Variants in ANKRD17 observed in about 807,000 individuals in gnomAD.
The protein encoded by ANKRD17 is ankyrin repeat domain 17.
A neutral mutation model predicts 229.7 loss-of-function variants in ANKRD17; 19 were observed. The observed-to-expected ratio is 0.08, with a 90% CI of 0.06 to 0.12. The LOEUF is 0.12. ANKRD17 is among the 10% of genes least tolerant of loss of function. The probability of loss-of-function intolerance (pLI) is 1.00; values close to 1 mark genes in which losing one functional copy is unlikely to be tolerated. For synonymous variants in ANKRD17, 1,112 were observed against 1,146.1 expected, an observed-to-expected ratio of 0.97 and a Z score of 0.60; for missense variants, 2,176 against 3,176.8, an observed-to-expected ratio of 0.68 and a Z score of 7.57.
At position 73,091,461 on chromosome 4, in the gene ANKRD17, G is replaced by C; in HGVS notation, c.6167C>G (p.Ser2056Cys). Residue 2056 changes from serine (S) to cysteine (C), a missense_variant, in exon 29 of 34, where the codon TCT becomes TGT. Ser to Cys is a moderately radical substitution (Grantham distance 112). Around this residue, in one of 18 missense-constraint regions of ANKRD17, gnomAD observed 424 missense variants for 454.0 expected, o/e 0.93. Coordinates refer to ENST00000358602, the MANE Select transcript of ANKRD17 (RefSeq NM_032217.5). ...PSPPAQPGGVSRNSPLDCGSA... is the reference protein window; with the variant it reads ...PSPPAQPGGVCRNSPLDCGSA... ...TCCACAATCCAAAGGGCTGTTTCTAGAAACCCCTCCTGGCTGGGCTGGTGG... is the reference window on the plus strand; with the variant it reads ...TCCACAATCCAAAGGGCTGTTTCTACAAACCCCTCCTGGCTGGGCTGGTGG... 2 of 1,614,178 alleles carry C rather than the reference G, an allele frequency of 1.2e-6. No individual in the cohort carries two copies. The highest frequency in any genetic ancestry group is 1.7e-6 in the Non-Finnish European group (2 of 1,180,022).
chr4:73,226,045 G>A (rs1287560955), intron 1 of ANKRD17, among the ~76,000 whole-genome samples: 1 of 128,418 alleles, frequency 7.8e-6, no homozygotes, highest in Non-Finnish European at 1.6e-5. Flanking sequence ...GCACAATCTC[G>A]GCTCACAGCA....
At position 73,091,281 on chromosome 4, in the gene ANKRD17, G is replaced by A; in HGVS notation, c.6347C>T (p.Ser2116Phe). 1 of 1,614,180 alleles carries A rather than the reference G, an allele frequency of 6.2e-7. No individual in the cohort carries two copies. The highest frequency in any genetic ancestry group is 8.5e-7 in the Non-Finnish European group (1 of 1,180,026). Residue 2116 changes from serine to phenylalanine, a missense_variant, in exon 29 of 34, where the codon TCT becomes TTT. By Grantham distance (155) the Ser-to-Phe change is radical (BLOSUM62 -2). Transcript: ENST00000358602. ...CTGAAGAGGTGGTCTTGGTTCCTGAGAAACAGATCCCGGAGGTTGTTGCTG... is the reference window on the plus strand; with the variant it reads ...CTGAAGAGGTGGTCTTGGTTCCTGAAAAACAGATCCCGGAGGTTGTTGCTG... ...SNQQQPPGSV[S>F]QEPRPPLQQS...
chr4:73,118,998 T>C, intron 21 of ANKRD17, 148 bp from the exon 22 acceptor site: 1 of 775,878 alleles, frequency 1.3e-6, no homozygotes, highest in Admixed American at 2.9e-5. Context: ...ATGATTCTCC[T>C]ACCTCAGCCT....
intron 28 of ANKRD17, among the ~76,000 whole-genome samples, chr4:73,093,656 G>C (rs986612264): frequency 1.3e-5 from 2 of 152,132 alleles, no homozygotes; most frequent in African/African-American, 4.8e-5. Context: ...TTACAGGCGT[G>C]AGCCACCGTG....
chr4:73,121,865 G>A, intron 18 of ANKRD17, 106 bp from the exon 19 acceptor site: 3 of 1,175,624 alleles, frequency 2.6e-6, no homozygotes, highest in South Asian at 3.8e-5. Context: ...AAAAGAAGGG[G>A]AAAGTTCTTC....
chr4:73,222,995 A>G (rs1742061674), intron 1 of ANKRD17: 1 of 1,535,956 alleles, frequency 6.5e-7, no homozygotes, highest in Non-Finnish European at 8.7e-7. Flanking sequence ...CTTCTAGAAC[A>G]TATGCTTCCA....
intron 30 of ANKRD17, among the ~76,000 whole-genome samples, chr4:73,083,781 A>C (rs1721805561): frequency 6.6e-6 from 1 of 152,198 alleles, no homozygotes; most frequent in African/African-American, 2.4e-5. Flanking sequence ...ATATAAATTC[A>C]TTGCAGGCTA....
intron 18 of ANKRD17, among the ~76,000 whole-genome samples, chr4:73,124,452 C>T (rs965351807): frequency 2.6e-5 from 4 of 152,018 alleles, no homozygotes; most frequent in Non-Finnish European, 4.4e-5. Flanking sequence ...AGAACCTTTC[C>T]TCCAGAGTTG....
chr4:73,152,634 G>A (rs564571409), intron 6 of ANKRD17, among the ~76,000 whole-genome samples: 2 of 152,248 alleles, frequency 1.3e-5, no homozygotes, highest in East Asian at 3.9e-4. Flanking sequence ...AAGCAAAGGC[G>A]AGAGGGCAGA....
At chr4:73,136,900 G>C (rs1405399576) in intron 15 of ANKRD17, among the ~76,000 whole-genome samples, 1 of 148,232 alleles carries the variant, frequency 6.7e-6, no homozygotes, top group Non-Finnish European at 1.5e-5. Flanking sequence ...AAAAATCTAA[G>C]TTTTATTGTT....
At chr4:73,118,421 G>C (rs966281873) in intron 22 of ANKRD17, among the ~76,000 whole-genome samples, 4 of 151,752 alleles carry the variant, frequency 2.6e-5, no homozygotes, top group Non-Finnish European at 5.9e-5. Flanking sequence ...TGAAGATTAA[G>C]ACTGCAACTA....
At chr4:73,210,139 T>C (rs1016739401) in intron 1 of ANKRD17, among the ~76,000 whole-genome samples, 1 of 151,982 alleles carries the variant, frequency 6.6e-6, no homozygotes, top group Non-Finnish European at 1.5e-5. Context: ...GGCATAACCA[T>C]GGGAGATGAA....
At chr4:73,178,794 AGTTTT>A (rs1269246958) in intron 1 of ANKRD17, among the ~76,000 whole-genome samples, 2 of 152,134 alleles carry the variant, frequency 1.3e-5, no homozygotes, top group Non-Finnish European at 2.9e-5. Context: ...ACAGGGGTAA[AGTTTT>A]GTTTTGATAT....
At chr4:73,124,576 C>T (rs993027958) in intron 18 of ANKRD17, among the ~76,000 whole-genome samples, 2 of 152,258 alleles carry the variant, frequency 1.3e-5, no homozygotes, top group Middle Eastern at 3.4e-3. Context: ...TGATTAAGTA[C>T]CTTCTATGCC....
At chr4:73,125,745 A>AAAAAAG (rs556235831) in intron 16 of ANKRD17, among the ~76,000 whole-genome samples, 135 of 144,442 alleles carry the variant, frequency 9.3e-4, no homozygotes, top group South Asian at 2.0e-3. Context: ...AAAAAAAAAA[A>AAAAAAG]AAAAGAAAAG....
At chr4:73,237,916 T>G (rs1167993677) in intron 1 of ANKRD17, among the ~76,000 whole-genome samples, 1 of 152,136 alleles carries the variant, frequency 6.6e-6, no homozygotes, top group Non-Finnish European at 1.5e-5. Flanking sequence ...CATTATTTTG[T>G]GAACTGTTCA....
At position 73,120,257 on chromosome 4, in the gene ANKRD17, A is replaced by G; in HGVS notation, c.3930T>C (p.Asp1310=). ...AGGAGGGAACTGGAGGGGCATTAAC[A>G]TCAGCACCTTTATCCAAAAGAACTC... ...VGRVLLDKGA[D]VNAPPVPSSR... Residue 1310 remains aspartate, a synonymous_variant, in exon 21 of 34, where the codon GAT becomes GAC. Coordinates refer to ENST00000358602, the MANE Select transcript of ANKRD17 (RefSeq NM_032217.5). 6.2e-7 allele frequency: 1 copy of G among 1,614,124 alleles called. No homozygotes were observed. Among genetic ancestry groups the G allele is most frequent in the South Asian group, 1.1e-5 (1 of 91,092 alleles).
At chr4:73,210,997 TA>T (rs1291719905) in intron 1 of ANKRD17, among the ~76,000 whole-genome samples, 1 of 152,162 alleles carries the variant, frequency 6.6e-6, no homozygotes, top group Non-Finnish European at 1.5e-5. Context: ...TTTATTTTTT[TA>T]GAGTATATAC....
At position 73,258,734 on chromosome 4, in the gene ANKRD17, G is replaced by A. The variant is rs897748255; in HGVS notation, c.-66C>T. ...GGGGCTACGCTCTACCGCGACTTCG[G>A]CCGCACTGGGGCCGACACAGCAATC... On this transcript the variant is annotated 5_prime_UTR_variant, in exon 1 of 34. Coordinates refer to ENST00000358602, the MANE Select transcript of ANKRD17 (RefSeq NM_032217.5). 56 of 1,377,840 alleles carry A rather than the reference G, an allele frequency of 4.1e-5. 2 individuals are homozygous for A. The Middle Eastern group carries it at 8.0e-4, about 20-fold the overall frequency. The allele number at this position is 1,377,840 out of a possible 1,614,324, so 85.4% of individuals were successfully genotyped here. A position where few individuals can be genotyped will look rare whatever the true frequency, so the allele number is the denominator to read the frequency against.
Sources: allele counts gnomAD v4.1 joint callset (sites outside exome capture counted in the v4.1 genomes callset), GRCh38; gene constraint gnomAD v4.1.1; regional missense constraint gnomAD v4.1.1; transcripts MANE v1.5; gene names NCBI Gene and HGNC (gene_info 2026-07-23, HGNC 2026-07-21).